PCDHA3: variants seen among roughly 807,000 people sequenced by gnomAD.
PCDHA3 encodes the protein protocadherin alpha-3.
Under a neutral mutation model 62.2 loss-of-function variants are expected in PCDHA3, and 41 were observed. The ratio of observed to expected loss-of-function variants is 0.66; its 90% CI spans 0.51 to 0.86. The LOEUF (loss-of-function observed/expected upper bound fraction) is 0.86, where lower values mean the gene tolerates loss of function less well. PCDHA3 is among the 40% of genes least tolerant of loss of function. PCDHA3 has a pLI of 0.00. For synonymous variants in PCDHA3, 640 were observed against 555.4 expected, an observed-to-expected ratio of 1.15 and a Z score of -2.14; for missense variants, 1,304 against 1,241.2, an observed-to-expected ratio of 1.05 and a Z score of -0.76.
chr5:140,875,242 TA>T, intron 1 of PCDHA3: 2 of 943,026 alleles, frequency 2.1e-6, no homozygotes, highest in Non-Finnish European at 3.0e-6. Flanking sequence ...TGTACTTACA[TA>T]ATCAGTCACA....
chr5:140,973,974 T>C (rs2096609755), intron 1 of PCDHA3, among the ~76,000 whole-genome samples: 1 of 152,224 alleles, frequency 6.6e-6, no homozygotes. Context: ...TAAATGTGGC[T>C]TTTACAGAAC....
intron 1 of PCDHA3, chr5:140,850,145 G>T: frequency 1.3e-6 from 2 of 1,595,560 alleles, no homozygotes; most frequent in South Asian, 1.1e-5. Context: ...GCAACGTGAC[G>T]CTGCAGGTGT....
chr5:140,927,031 GC>G, intron 1 of PCDHA3: 6 of 1,612,410 alleles, frequency 3.7e-6, no homozygotes, highest in Non-Finnish European at 5.1e-6. Flanking sequence ...GAGGCTGCCA[GC>G]GGCCGCTATG....
rs147430561 is a variant in PCDHA3, at chr5:140,928,238, A to G, written c.2395-50711A>G. 4.7e-4 allele frequency: 756 copies of G among 1,614,188 alleles called. 4 individuals carry two copies. The African/African-American group carries it at 9.0e-3, about 19-fold the overall frequency. Reference sequence around the variant, plus strand: ...AATACACCAAACTTTCCTCAACCCCAGCAGGAACTTTTCGTTGCTGAAAAC... The same window carrying G: ...AATACACCAAACTTTCCTCAACCCCGGCAGGAACTTTTCGTTGCTGAAAAC... On this transcript the variant is annotated intron_variant, in intron 1 of 3. Coordinates refer to ENST00000522353, the MANE Select transcript of PCDHA3 (RefSeq NM_018906.3).
At chr5:140,824,627 T>TG (rs1379526597) in intron 1 of PCDHA3, 1 of 134,010 alleles carries the variant, frequency 7.5e-6, no homozygotes, top group East Asian at 2.0e-4. Flanking sequence ...TTTTTTTTTT[T>TG]TTTTTATTTT....
Position 141,009,631 on chromosome 5 carries a change from A to G in PCDHA3, c.2547A>G (p.Pro849=). 6.2e-7 allele frequency: 1 copy of G among 1,613,068 alleles called. No individual in the cohort carries two copies. The highest frequency in any genetic ancestry group is 8.5e-7 in the Non-Finnish European group (1 of 1,179,354). The change falls in exon 4 of 4, where the codon CCA becomes CCG. Residue 849 remains proline (P), a synonymous_variant. Transcript: ENST00000522353. ...WPTVSSATPE[P]EAGEVSPPVG... is the part of the protein sequence containing the mutation. ...TTGTAATGTTTTGTCTTTCAGAACC[A>G]GAGGCAGGAGAAGTGTCCCCTCCAG...
intron 1 of PCDHA3, among the ~76,000 whole-genome samples, chr5:140,918,298 A>G (rs2078622610): frequency 6.6e-6 from 1 of 152,150 alleles, no homozygotes; most frequent in Non-Finnish European, 1.5e-5. Context: ...GGCAGAGAAT[A>G]TAGGGTTTTC....
chr5:140,920,456 T>C (rs2079640226), intron 1 of PCDHA3, among the ~76,000 whole-genome samples: 1 of 152,192 alleles, frequency 6.6e-6, no homozygotes, highest in African/African-American at 2.4e-5. Flanking sequence ...AATTGACAAA[T>C]TTGTTATATT....
At chr5:140,836,397 A>G (rs1554135905) in intron 1 of PCDHA3, 6 of 1,613,640 alleles carry the variant, frequency 3.7e-6, no homozygotes, top group Non-Finnish European at 5.1e-6. Flanking sequence ...GCTGGTGGAA[A>G]GCGGCCAGGC....
intron 1 of PCDHA3, among the ~76,000 whole-genome samples, chr5:140,909,911 A>T (rs747486870): frequency 1.3e-5 from 2 of 152,144 alleles, no homozygotes; most frequent in Non-Finnish European, 2.9e-5. Flanking sequence ...AATGGCAATC[A>T]TTTCCCTTTC....
At chr5:140,941,375 G>A (rs1441847516) in intron 1 of PCDHA3, among the ~76,000 whole-genome samples, 1 of 134,938 alleles carries the variant, frequency 7.4e-6, no homozygotes, top group Non-Finnish European at 1.5e-5. Context: ...GGAGTGTAGT[G>A]ACAGGATTTT....
At chr5:140,809,122 C>T (rs1764370470) in intron 1 of PCDHA3, 7 of 1,613,994 alleles carry the variant, frequency 4.3e-6, no homozygotes, top group Non-Finnish European at 5.9e-6. Flanking sequence ...CTCCGCGCCA[C>T]CGCCTACTGG....
rs1002607780 is a variant in PCDHA3 at position 141,011,898 on chromosome 5, T to G, written c.*1961T>G. 1.8e-4 allele frequency: 27 copies of G among 148,586 alleles called. 1 individual carries two copies. Among genetic ancestry groups the G allele is most frequent in the Admixed American group, 1.5e-3 (23 of 15,026 alleles). The allele number at this position is 148,586 out of a possible 1,614,324, so 9.2% of individuals were successfully genotyped here. On this transcript the variant is annotated 3_prime_UTR_variant, in exon 4 of 4. Coordinates refer to ENST00000522353, the MANE Select transcript of PCDHA3 (RefSeq NM_018906.3). ...TAGAAGTTTGATTAATTATATTATC[T>G]ATTTAGGCATTAATATAAAAGAGGT...
intron 1 of PCDHA3, chr5:140,828,492 C>T (rs139629080): frequency 6.2e-6 from 10 of 1,614,162 alleles, no homozygotes; most frequent in Non-Finnish European, 8.5e-6. Flanking sequence ...CCCTTGTTCC[C>T]GGTAGAGGAA....
At chr5:140,823,308 G>C in intron 1 of PCDHA3, 1 of 1,612,318 alleles carries the variant, frequency 6.2e-7, no homozygotes, top group Non-Finnish European at 8.5e-7. Context: ...CGGTGCACGC[G>C]GAGAGCGGCA....
intron 1 of PCDHA3, among the ~76,000 whole-genome samples, chr5:140,931,204 A>G (rs782790968): frequency 7.2e-5 from 11 of 152,176 alleles, no homozygotes; most frequent in Non-Finnish European, 1.5e-4. Context: ...CAATGCTAGT[A>G]TTTCAGGTAT....
chr5:140,978,233 AT>A (rs1360475808), intron 1 of PCDHA3, among the ~76,000 whole-genome samples: 2 of 152,196 alleles, frequency 1.3e-5, no homozygotes, highest in African/African-American at 4.8e-5. Context: ...TTTTTCTTGG[AT>A]TTCAGCTACT....
intron 1 of PCDHA3, chr5:140,823,314 C>A: frequency 6.2e-7 from 1 of 1,612,202 alleles, no homozygotes; most frequent in Non-Finnish European, 8.5e-7. Context: ...ACGCGGAGAG[C>A]GGCAAGGTGT....
rs1333608076 is a variant in PCDHA3, at chr5:140,848,470, A to C, written c.2394+44879A>C. Reference sequence around the variant, plus strand: ...TTCTAATTTGGAGGCAATTTTCACTAATTAGAAGAAGACTGAGTATTTGAA... The same window carrying C: ...TTCTAATTTGGAGGCAATTTTCACTCATTAGAAGAAGACTGAGTATTTGAA... On this transcript the variant is annotated intron_variant, in intron 1 of 3. Coordinates refer to ENST00000522353, the MANE Select transcript of PCDHA3 (RefSeq NM_018906.3). 3 of 1,552,738 alleles carry C rather than the reference A, an allele frequency of 1.9e-6. No individual in the cohort carries two copies. In the East Asian group the frequency reaches 6.7e-5, roughly 35 times the overall value.
Sources: gnomAD v4.1 joint callset for allele counts (sites outside exome capture counted in the v4.1 genomes callset) on GRCh38, gnomAD v4.1.1 for gene constraint, MANE v1.5 for transcripts, NCBI Gene and HGNC (gene_info 2026-07-23, HGNC 2026-07-21) for gene names.